The following UNC13C variants were observed in gnomAD, a reference collection of about 807,000 sequenced individuals.
UNC13C encodes the protein protein unc-13 homolog C.
A neutral mutation model predicts 245.4 loss-of-function variants in UNC13C; 174 were observed. The ratio of observed to expected loss-of-function variants is 0.71; its 90% CI spans 0.63 to 0.80. UNC13C has a LOEUF of 0.80. Ranked by LOEUF, UNC13C falls within the 30% of genes least tolerant of loss-of-function variation. The pLI is 0.00. For missense variants in UNC13C, 2,829 were observed against 2,602.9 expected (o/e 1.09, Z -1.89); for synonymous variants, 992 against 895.1 (o/e 1.11, Z -1.93).
At chr15:54,083,400 C>T (rs1414204845) in intron 2 of UNC13C, among the ~76,000 whole-genome samples, 1 of 152,180 alleles carries the variant, frequency 6.6e-6, no homozygotes. Flanking sequence ...CCTCCGTTGT[C>T]AGGGTGCTGC....
At chr15:54,401,753 CA>C (rs1567241151) in intron 18 of UNC13C, among the ~76,000 whole-genome samples, 1 of 152,036 alleles carries the variant, frequency 6.6e-6, no homozygotes, top group African/African-American at 2.4e-5. Flanking sequence ...ACGCACTCTT[CA>C]GCGCTGCCTT....
intron 4 of UNC13C, among the ~76,000 whole-genome samples, chr15:54,215,074 A>G (rs1395188111): frequency 6.6e-6 from 1 of 151,920 alleles, no homozygotes; most frequent in Non-Finnish European, 1.5e-5. Flanking sequence ...GGAGGGAGTA[A>G]GGTTTTTGGT....
chr15:54,615,726 T>C (rs1900390597), intron 30 of UNC13C, among the ~76,000 whole-genome samples: 1 of 152,008 alleles, frequency 6.6e-6, no homozygotes, highest in South Asian at 2.1e-4. Flanking sequence ...CCAACTGCTG[T>C]GTGTTTCCAG....
chr15:54,076,753 G>T (rs1398772233), intron 2 of UNC13C, among the ~76,000 whole-genome samples: 2 of 152,118 alleles, frequency 1.3e-5, no homozygotes, highest in Admixed American at 6.5e-5. Context: ...TCATTTCCAT[G>T]TTCGGTTTTA....
At chr15:54,402,605 C>T (rs1197317370) in intron 18 of UNC13C, among the ~76,000 whole-genome samples, 3 of 152,154 alleles carry the variant, frequency 2.0e-5, no homozygotes, top group South Asian at 2.1e-4. Flanking sequence ...TGGAGACAGG[C>T]ACTATTCTAA....
chr15:54,448,670 C>G lies in UNC13C; in HGVS notation c.4933+33603C>G, dbSNP rs938689684. Among the ~76,000 whole-genome samples, 101 of 152,120 alleles carry G rather than the reference C, an allele frequency of 6.6e-4. 3 individuals are homozygous for G. Among genetic ancestry groups the G allele is most frequent in the Non-Finnish European group, 1.5e-5 (1 of 68,024 alleles). Reference sequence around the variant, plus strand: ...TTTTATTTTCAGCCTATGTGTGTCTCTGCACGTGTGATGGGTTTCCTGAAT... The same window carrying G: ...TTTTATTTTCAGCCTATGTGTGTCTGTGCACGTGTGATGGGTTTCCTGAAT... On this transcript the variant is annotated intron_variant, in intron 19 of 32. Transcript: ENST00000260323.
In UNC13C at chr15:54,014,051, C is replaced by T; in HGVS notation, c.1148C>T (p.Thr383Ile). 1 of 1,613,734 alleles carries T rather than the reference C, an allele frequency of 6.2e-7. No homozygotes were observed. The highest frequency in any genetic ancestry group is 2.2e-5 in the East Asian group (1 of 44,876). ...CGACCCATACTTGTGTACTTTGAAACCCCTCAACAAAGGGATTCTGTCTTA... is the reference window on the plus strand; with the variant it reads ...CGACCCATACTTGTGTACTTTGAAATCCCTCAACAAAGGGATTCTGTCTTA... Reference protein sequence around the residue: ...KPRPILVYFETPQQRDSVLKK... With the variant: ...KPRPILVYFEIPQQRDSVLKK... Residue 383 changes from threonine to isoleucine, a missense_variant, in exon 2 of 33, where the codon ACC becomes ATC. By Grantham distance (89) the Thr-to-Ile change is moderately conservative (BLOSUM62 -1). Transcript: ENST00000260323.
At chr15:54,436,172 G>C (rs1271289399) in intron 19 of UNC13C, among the ~76,000 whole-genome samples, 1 of 151,950 alleles carries the variant, frequency 6.6e-6, no homozygotes, top group Non-Finnish European at 1.5e-5. Context: ...GGAAGACAGT[G>C]TGGCTACTCC....
At chr15:54,507,523 C>G (rs1428370099) in intron 23 of UNC13C, among the ~76,000 whole-genome samples, 1 of 152,040 alleles carries the variant, frequency 6.6e-6, no homozygotes, top group Non-Finnish European at 1.5e-5. Flanking sequence ...TGAGTATTGG[C>G]ACCAACTAGT....
chr15:54,231,710 C>T (rs540833054), intron 4 of UNC13C, among the ~76,000 whole-genome samples: 6 of 152,104 alleles, frequency 3.9e-5, no homozygotes, highest in South Asian at 4.1e-4. Flanking sequence ...CAGTCAATGA[C>T]ATCTTAAAAC....
At chr15:54,503,593 C>T (rs543453690) in intron 22 of UNC13C, among the ~76,000 whole-genome samples, 27 of 152,078 alleles carry the variant, frequency 1.8e-4, no homozygotes, top group South Asian at 8.3e-4. Flanking sequence ...CCACCATACC[C>T]GGCTAATTTT....
chr15:53,940,603 G>A, the UNC13C span, among the ~76,000 whole-genome samples: 2 of 152,010 alleles, frequency 1.3e-5, no homozygotes, highest in Non-Finnish European at 2.9e-5. Context: ...TAAGCTGATC[G>A]GCAACTTCAG....
At chr15:53,902,025 A>G in the UNC13C span, among the ~76,000 whole-genome samples, 1 of 149,092 alleles carries the variant, frequency 6.7e-6, no homozygotes, top group Non-Finnish European at 1.5e-5. Context: ...TAATACCACC[A>G]CATGTGCATT....
At chr15:53,913,016 T>C in the UNC13C span, 1 of 152,246 alleles carries the variant, frequency 6.6e-6, no homozygotes, top group Admixed American at 6.5e-5. Context: ...TTCTTCTCCA[T>C]TGACATTGCT....
At chr15:54,043,150 C>T (rs2141037489) in intron 2 of UNC13C, among the ~76,000 whole-genome samples, 1 of 152,110 alleles carries the variant, frequency 6.6e-6, no homozygotes, top group East Asian at 1.9e-4. Flanking sequence ...TTTTTAAAAC[C>T]ATATATTTTT....
intron 1 of UNC13C, among the ~76,000 whole-genome samples, chr15:53,990,255 A>G (rs1894325696): frequency 6.6e-6 from 1 of 152,074 alleles, no homozygotes; most frequent in Non-Finnish European, 1.5e-5. Flanking sequence ...AATTATCCCA[A>G]ACATGCAGAT....
intron 8 of UNC13C, among the ~76,000 whole-genome samples, chr15:54,261,667 C>G (rs537011765): frequency 1.3e-5 from 2 of 152,086 alleles, no homozygotes; most frequent in Non-Finnish European, 2.9e-5. Flanking sequence ...CTCAGCCTCT[C>G]GAGGTAGCTG....
chr15:53,905,649 GA>G, the UNC13C span, among the ~76,000 whole-genome samples: 51 of 152,192 alleles, frequency 3.4e-4, no homozygotes, highest in Admixed American at 3.0e-3. Context: ...GTTGGTCAAA[GA>G]GTACAAAAAG....
At chr15:53,985,537 G>A (rs1343350447) in intron 1 of UNC13C, among the ~76,000 whole-genome samples, 2 of 151,916 alleles carry the variant, frequency 1.3e-5, no homozygotes, top group African/African-American at 4.8e-5. Flanking sequence ...AGAGATTAGA[G>A]TCTGACCAGC....
Sources: gnomAD v4.1 joint callset for allele counts (sites outside exome capture counted in the v4.1 genomes callset) on GRCh38, gnomAD v4.1.1 for gene constraint, MANE v1.5 for transcripts, NCBI Gene and HGNC (gene_info 2026-07-23, HGNC 2026-07-21) for gene names.